ZNF131: variants seen among roughly 807,000 people sequenced by gnomAD.
ZNF131 encodes zinc finger and BTB domain containing 35.
Under a neutral mutation model 60.0 loss-of-function variants are expected in ZNF131, and 7 were observed. The observed-to-expected ratio is 0.12, with a 90% CI of 0.07 to 0.22. The LOEUF (loss-of-function observed/expected upper bound fraction) is 0.22, where lower values mean the gene tolerates loss of function less well. Ranked by LOEUF, ZNF131 falls within the 10% of genes least tolerant of loss-of-function variation. The pLI, the probability that ZNF131 is intolerant of heterozygous loss-of-function variation, is 1.00. For missense variants in ZNF131, 493 were observed against 740.9 expected (o/e 0.67, Z 3.88); for synonymous variants, 257 against 253.2 (o/e 1.01, Z -0.14).
rs377637851 is a variant in ZNF131 at position 43,165,127 on chromosome 5, T to C, written c.1054+3196T>C. Among the ~76,000 whole-genome samples, 8 of 152,096 alleles carry C rather than the reference T, an allele frequency of 5.3e-5. No individual in the cohort carries two copies. In the South Asian group the frequency reaches 1.7e-3, roughly 32 times the overall value. The stretch of plus-strand genomic sequence containing the variant: ...CACCATGCCCAGCTAATTTTTCTGT[T>C]TTTTGTAGAGATGTGGTTTCACCAC... On this transcript the variant is annotated intron_variant, in intron 5 of 6. Transcript: ENST00000682664.
rs115443040 is a variant in ZNF131, at chr5:43,148,748, T to G, written c.371+9439T>G. Among the ~76,000 whole-genome samples, 805 of 152,310 alleles carry G rather than the reference T, an allele frequency of 5.3e-3. 3 individuals are homozygous for G. Among genetic ancestry groups the G allele is most frequent in the African/African-American group, 0.019 (774 of 41,570 alleles). ...TTGTAGTATTAATATTTTTAAAACT[T>G]TAATAAGGTATAATATAAGCTGCAC... On this transcript the variant is annotated intron_variant, in intron 4 of 6. Transcript: ENST00000682664.
At position 43,139,067 on chromosome 5, in the gene ZNF131, C is replaced by T. The variant is rs985416710; in HGVS notation, c.227-98C>T. The T allele has an allele frequency of 4.7e-6, 5 of 1,060,068 alleles. No individual in the cohort carries two copies. The South Asian group carries it at 9.8e-5, about 21-fold the overall frequency. The allele number at this position is 1,060,068 out of a possible 1,614,324, so 65.7% of individuals were successfully genotyped here. ...AGAAAATAGTTTTCAAAAATAAATA[C>T]TCAACAAGCTCCAAGCCCTGGGCTT... is the stretch of plus-strand genomic sequence containing the variant. On this transcript the variant is annotated intron_variant, in intron 3 of 6. Coordinates refer to ENST00000682664, the MANE Select transcript of ZNF131 (RefSeq NM_001330707.2).
At chr5:43,164,010 T>C (rs1750065477) in intron 5 of ZNF131, among the ~76,000 whole-genome samples, 1 of 152,186 alleles carries the variant, frequency 6.6e-6, no homozygotes, top group South Asian at 2.1e-4. Context: ...ATCTTGTACT[T>C]AAGGCTCAGT....
chr5:43,175,473 A>C lies in ZNF131; in HGVS notation c.*340A>C. On this transcript the variant is annotated 3_prime_UTR_variant, in exon 7 of 7. Coordinates refer to ENST00000682664, the MANE Select transcript of ZNF131 (RefSeq NM_001330707.2). ...TTTCCCAGGTCATGTTCTTCCTCAA[A>C]TTTTTTCCATATTGTAAAATCAAAC... 1.4e-6 allele frequency: 1 copy of C among 699,214 alleles called. No individual in the cohort carries two copies. Among genetic ancestry groups the C allele is most frequent in the South Asian group, 1.5e-5 (1 of 66,524 alleles). 43.3% of individuals were successfully genotyped at this position (699,214 alleles called of 1,614,324 possible).
chr5:43,170,635 C>CTTTT (rs35855782), intron 5 of ZNF131, among the ~76,000 whole-genome samples: 52 of 141,478 alleles, frequency 3.7e-4, no homozygotes, highest in Non-Finnish European at 5.5e-4. Context: ...TCTTTGTCCC[C>CTTTT]TTTTTTTTTT....
At chr5:43,138,137 G>T (rs561637076) in intron 3 of ZNF131, among the ~76,000 whole-genome samples, 1 of 152,150 alleles carries the variant, frequency 6.6e-6, no homozygotes, top group East Asian at 1.9e-4. Context: ...TTTCAATTGC[G>T]CAAGATGAAT....
At chr5:43,149,781 G>C (rs1307325633) in intron 4 of ZNF131, among the ~76,000 whole-genome samples, 1 of 150,602 alleles carries the variant, frequency 6.6e-6, no homozygotes, top group African/African-American at 2.4e-5. Context: ...ATGACTAATG[G>C]TGTTGGATAT....
intron 6 of ZNF131, among the ~76,000 whole-genome samples, chr5:43,173,899 TAAAC>T (rs1412500044): frequency 6.6e-6 from 1 of 152,192 alleles, no homozygotes; most frequent in Non-Finnish European, 1.5e-5. Flanking sequence ...ATATGATGCT[TAAAC>T]AATGAAGGCA....
chr5:43,134,989 G>A (rs1430032977), intron 3 of ZNF131, among the ~76,000 whole-genome samples: 3 of 147,318 alleles, frequency 2.0e-5, no homozygotes, highest in East Asian at 2.0e-4. Context: ...GAGCCACCGC[G>A]CCCGGCCATC....
chr5:43,132,565 C>T (rs1047448563), intron 3 of ZNF131, among the ~76,000 whole-genome samples: 1 of 136,712 alleles, frequency 7.3e-6, no homozygotes, highest in African/African-American at 2.8e-5. Flanking sequence ...GCCTAGATTG[C>T]AGTGGCATGA....
chr5:43,152,166 C>A (rs2111759473), intron 4 of ZNF131, among the ~76,000 whole-genome samples: 1 of 152,222 alleles, frequency 6.6e-6, no homozygotes, highest in East Asian at 1.9e-4. Flanking sequence ...CTAGGTTGAG[C>A]TAACTTTTGT....
chr5:43,157,325 T>G (rs750055242), intron 4 of ZNF131, among the ~76,000 whole-genome samples: 1 of 152,214 alleles, frequency 6.6e-6, no homozygotes, highest in African/African-American at 2.4e-5. Flanking sequence ...CGTCCAAAGC[T>G]GTGACTCACC....
chr5:43,128,715 C>T (rs887621760), intron 3 of ZNF131, among the ~76,000 whole-genome samples: 4 of 149,090 alleles, frequency 2.7e-5, no homozygotes, highest in Admixed American at 6.7e-5. Flanking sequence ...AACAAAAACC[C>T]AGATATTTAT....
At position 43,175,165 on chromosome 5, in the gene ZNF131, T is replaced by A; in HGVS notation, c.*32T>A. The stretch of plus-strand genomic sequence containing the variant: ...ACATGAATATATTTTTAAATTTACT[T>A]GTTGGGTTTTTGAACTGATTATGGG... On this transcript the variant is annotated 3_prime_UTR_variant, in exon 7 of 7. Transcript: ENST00000682664. 3.2e-6 allele frequency: 5 copies of A among 1,550,650 alleles called. No homozygotes were observed. The highest frequency in any genetic ancestry group is 4.3e-6 in the Non-Finnish European group (5 of 1,151,026).
chr5:43,170,459 C>T (rs1400333978), intron 5 of ZNF131, among the ~76,000 whole-genome samples: 2 of 152,168 alleles, frequency 1.3e-5, no homozygotes, highest in Non-Finnish European at 2.9e-5. Flanking sequence ...CTGAGGACTG[C>T]TGGAGGAAAT....
chr5:43,133,363 C>T (rs1206401854), intron 3 of ZNF131, among the ~76,000 whole-genome samples: 1 of 152,024 alleles, frequency 6.6e-6, no homozygotes. Context: ...TACTCGGGAG[C>T]CTGAGGCAGG....
intron 3 of ZNF131, among the ~76,000 whole-genome samples, chr5:43,128,687 G>A (rs1046124830): frequency 2.0e-5 from 3 of 149,768 alleles, no homozygotes; most frequent in African/African-American, 7.3e-5. Flanking sequence ...ACACACCTGG[G>A]GTGCTCATAA....
At chr5:43,126,159 C>G (rs1402913510) in intron 3 of ZNF131, among the ~76,000 whole-genome samples, 2 of 152,166 alleles carry the variant, frequency 1.3e-5, no homozygotes. Context: ...TGCTGTGTGA[C>G]CTTAGATATC....
At chr5:43,156,082 C>G (rs911587316) in intron 4 of ZNF131, among the ~76,000 whole-genome samples, 1 of 152,224 alleles carries the variant, frequency 6.6e-6, no homozygotes, top group East Asian at 1.9e-4. Context: ...GTGATTCCCT[C>G]TGGTACTTAT....
Sources: gnomAD v4.1 joint callset for allele counts (sites outside exome capture counted in the v4.1 genomes callset) on GRCh38, gnomAD v4.1.1 for gene constraint, MANE v1.5 for transcripts, NCBI Gene and HGNC (gene_info 2026-07-23, HGNC 2026-07-21) for gene names.